Variants in CTNNBL1 observed in about 807,000 individuals in gnomAD.
CTNNBL1 encodes beta-catenin-like protein 1.
A neutral mutation model predicts 72.7 loss-of-function variants in CTNNBL1; 31 were observed. That is an observed-to-expected ratio of 0.43 (90% CI 0.32 to 0.58). The LOEUF (loss-of-function observed/expected upper bound fraction) is 0.58. Ranked by LOEUF, CTNNBL1 falls within the 20% of genes least tolerant of loss-of-function variation. The pLI is 0.08. For missense variants in CTNNBL1, 534 were observed against 725.1 expected (o/e 0.74, Z 3.03); for synonymous variants, 240 against 267.3 (o/e 0.90, Z 1.00).
At chr20:37,791,288 G>A (rs942543850) in intron 10 of CTNNBL1, among the ~76,000 whole-genome samples, 10 of 152,182 alleles carry the variant, frequency 6.6e-5, no homozygotes, top group African/African-American at 2.4e-4. Context: ...TGGGTCATAT[G>A]TTAGGTATAC....
intron 4 of CTNNBL1, among the ~76,000 whole-genome samples, chr20:37,748,288 T>G (rs2073286066): frequency 6.6e-6 from 1 of 152,234 alleles, no homozygotes; most frequent in African/African-American, 2.4e-5. Context: ...AGGGCAGTCT[T>G]AAGACATTTC....
chr20:37,837,495 A>G (rs1027212609), intron 11 of CTNNBL1, among the ~76,000 whole-genome samples: 1 of 152,192 alleles, frequency 6.6e-6, no homozygotes, highest in African/African-American at 2.4e-5. Flanking sequence ...GATTCTACCA[A>G]TTAGAAATAT....
intron 1 of CTNNBL1, among the ~76,000 whole-genome samples, chr20:37,730,298 G>C (rs562190480): frequency 6.6e-6 from 1 of 152,318 alleles, no homozygotes; most frequent in African/African-American, 2.4e-5. Context: ...GCTGGTGGGT[G>C]TGATTACTAT....
At position 37,849,099 on chromosome 20, in the gene CTNNBL1, G is replaced by A. The variant is rs989120556; in HGVS notation, c.1392+6680G>A. 2.6e-5 allele frequency among the ~76,000 whole-genome samples: 4 copies of A among 152,178 alleles called. No homozygotes were observed. In the East Asian group the frequency reaches 5.8e-4, roughly 22 times the overall value. On this transcript the variant is annotated intron_variant, in intron 13 of 15. Transcript: ENST00000361383. ...GGTCCGCTTTACCTCTCATATCTCT[G>A]CAGCCTATCCACTTTTCTCTCTCTT... is the stretch of plus-strand genomic sequence containing the variant.
intron 11 of CTNNBL1, among the ~76,000 whole-genome samples, chr20:37,807,278 C>T (rs2071968136): frequency 6.6e-6 from 1 of 152,074 alleles, no homozygotes; most frequent in Non-Finnish European, 1.5e-5. Context: ...TAGCATAGAC[C>T]CCAGAATAAA....
At chr20:37,800,685 T>C (rs2073816689) in intron 10 of CTNNBL1, among the ~76,000 whole-genome samples, 1 of 152,230 alleles carries the variant, frequency 6.6e-6, no homozygotes, top group Non-Finnish European at 1.5e-5. Flanking sequence ...ATGTAACACA[T>C]GGCAATCTCA....
At chr20:37,793,945 T>TA (rs2122718785) in intron 10 of CTNNBL1, among the ~76,000 whole-genome samples, 1 of 152,170 alleles carries the variant, frequency 6.6e-6, no homozygotes, top group East Asian at 1.9e-4. Flanking sequence ...CACGCCCAGC[T>TA]AATTTTTGTA....
Position 37,776,897 on chromosome 20 carries a change from ACATT to A in CTNNBL1, c.751-445_751-442del, listed in dbSNP as rs1450663003. On this transcript the variant is annotated intron_variant, in intron 7 of 15. Coordinates refer to ENST00000361383, the MANE Select transcript of CTNNBL1 (RefSeq NM_030877.5). ...CAGAAGGAACTACTTTGTGATAAAT[ACATT>A]CAGTTAATCAAGAATTGCTTTCTTC... Among the ~76,000 whole-genome samples, 6 of 152,196 alleles carry A rather than the reference ACATT, an allele frequency of 3.9e-5. No homozygotes were observed. The East Asian group carries it at 1.2e-3, about 29-fold the overall frequency.
intron 11 of CTNNBL1, among the ~76,000 whole-genome samples, chr20:37,835,103 C>T (rs895975986): frequency 6.6e-6 from 1 of 152,140 alleles, no homozygotes; most frequent in Non-Finnish European, 1.5e-5. Context: ...GCAGGCAGTT[C>T]AAGAAAAAGC....
At chr20:37,820,939 T>C (rs1568795875) in intron 11 of CTNNBL1, among the ~76,000 whole-genome samples, 1 of 152,204 alleles carries the variant, frequency 6.6e-6, no homozygotes, top group Non-Finnish European at 1.5e-5. Flanking sequence ...TTAATACAGA[T>C]CTAGGGTAAA....
chr20:37,825,049 A>C (rs117135699), intron 11 of CTNNBL1, among the ~76,000 whole-genome samples: 2 of 152,184 alleles, frequency 1.3e-5, no homozygotes, highest in South Asian at 2.1e-4. Flanking sequence ...AATGGGTTCT[A>C]TGACTAAGAA....
chr20:37,703,333 T>C (rs1319738650), intron 1 of CTNNBL1, among the ~76,000 whole-genome samples: 9 of 152,198 alleles, frequency 5.9e-5, no homozygotes, highest in Admixed American at 5.2e-4. Context: ...CCACATAATG[T>C]TTGTCATATT....
At chr20:37,777,247 T>G in intron 7 of CTNNBL1, 98 bp from the exon 8 acceptor site, 1 of 922,560 alleles carries the variant, frequency 1.1e-6, no homozygotes, top group Non-Finnish European at 1.8e-6. Context: ...TAACTTCTGC[T>G]TCTCTCTAAC....
chr20:37,788,532 G>A (rs1432209678), intron 10 of CTNNBL1, among the ~76,000 whole-genome samples: 3 of 152,174 alleles, frequency 2.0e-5, no homozygotes, highest in Non-Finnish European at 4.4e-5. Context: ...AGCACAAAAC[G>A]GGGCCATAGT....
At chr20:37,863,876 TA>T (rs769439376) in intron 15 of CTNNBL1, among the ~76,000 whole-genome samples, 1 of 152,238 alleles carries the variant, frequency 6.6e-6, no homozygotes, top group African/African-American at 2.4e-5. Flanking sequence ...CGCTGGCAAT[TA>T]AAAGAGTTCT....
chr20:37,811,201 T>C (rs2072009591), intron 11 of CTNNBL1, among the ~76,000 whole-genome samples: 1 of 152,188 alleles, frequency 6.6e-6, no homozygotes, highest in African/African-American at 2.4e-5. Context: ...CGAGAGGATA[T>C]ACCAAGGAAC....
chr20:37,807,699 T>C (rs549421637), intron 11 of CTNNBL1, among the ~76,000 whole-genome samples: 5 of 152,308 alleles, frequency 3.3e-5, no homozygotes, highest in African/African-American at 1.2e-4. Flanking sequence ...AGAATTATTA[T>C]AATTGAAATC....
At chr20:37,757,756 C>A in intron 5 of CTNNBL1, 100 bp downstream of exon 5, 1 of 798,532 alleles carries the variant, frequency 1.3e-6, no homozygotes, top group Non-Finnish European at 2.1e-6. Context: ...AACTCCACGG[C>A]AAGGCTGGAG....
intron 1 of CTNNBL1, among the ~76,000 whole-genome samples, chr20:37,728,190 G>A (rs2073101195): frequency 6.6e-6 from 1 of 152,144 alleles, no homozygotes; most frequent in African/African-American, 2.4e-5. Flanking sequence ...GGGCCAGTCT[G>A]TATTGAGAAA....
Sources: gnomAD v4.1 joint callset for allele counts (sites outside exome capture counted in the v4.1 genomes callset) on GRCh38, gnomAD v4.1.1 for gene constraint, MANE v1.5 for transcripts, NCBI Gene and HGNC (gene_info 2026-07-23, HGNC 2026-07-21) for gene names.